Variants in AP3B1 observed in about 807,000 individuals in gnomAD.
AP3B1 encodes adaptor related protein complex 3 subunit beta 1.
A neutral mutation model predicts 132.5 loss-of-function variants in AP3B1; 61 were observed. The observed-to-expected ratio is 0.46, with a 90% CI of 0.37 to 0.57. The LOEUF (loss-of-function observed/expected upper bound fraction) is 0.57. Among genes scored for constraint, AP3B1 ranks in the 20% least tolerant of loss-of-function variants. AP3B1 has a pLI of 0.00. For synonymous variants in AP3B1, 388 were observed against 438.3 expected, an observed-to-expected ratio of 0.89 and a Z score of 1.43; for missense variants, 1,120 against 1,289.4, an observed-to-expected ratio of 0.87 and a Z score of 2.01.
intron 22 of AP3B1, among the ~76,000 whole-genome samples, chr5:78,076,556 T>C (rs1436607305): frequency 6.6e-6 from 1 of 152,180 alleles, no homozygotes; most frequent in Non-Finnish European, 1.5e-5. Context: ...AGATAGCTTA[T>C]GCTAAGGAGA....
At chr5:78,210,052 C>T (rs12519505) in intron 7 of AP3B1, among the ~76,000 whole-genome samples, 27,789 of 152,012 alleles carry the variant, frequency 0.18, 2,791 homozygotes, top group Admixed American at 0.27. Flanking sequence ...ATATGTTGAA[C>T]CCTTTGTCAA....
At chr5:78,020,928 A>C (rs1234799467) in intron 24 of AP3B1, 139 bp from the exon 25 acceptor site, 1 of 663,178 alleles carries the variant, frequency 1.5e-6, no homozygotes, top group African/African-American at 1.8e-5. Flanking sequence ...ACAGCTAAAA[A>C]GGTTTAAACA....
intron 22 of AP3B1, among the ~76,000 whole-genome samples, chr5:78,047,917 A>T (rs1198902492): frequency 6.6e-6 from 1 of 152,074 alleles, no homozygotes; most frequent in Non-Finnish European, 1.5e-5. Flanking sequence ...TGCTTGATTT[A>T]AAAAAAATAA....
chr5:78,159,528 T>A (rs1743299708), intron 13 of AP3B1, among the ~76,000 whole-genome samples: 1 of 152,144 alleles, frequency 6.6e-6, no homozygotes, highest in Admixed American at 6.5e-5. Context: ...CCCACATTCC[T>A]TGGTTCAAAG....
chr5:78,145,178 T>G (rs1753335327), intron 14 of AP3B1, among the ~76,000 whole-genome samples: 1 of 152,242 alleles, frequency 6.6e-6, no homozygotes, highest in African/African-American at 2.4e-5. Flanking sequence ...TTTTTATATT[T>G]TCAATTATTA....
At chr5:78,249,959 C>T (rs1182894852) in intron 2 of AP3B1, among the ~76,000 whole-genome samples, 1 of 152,124 alleles carries the variant, frequency 6.6e-6, no homozygotes, top group Non-Finnish European at 1.5e-5. Flanking sequence ...TTGCATCAAT[C>T]CAGGATATTT....
chr5:78,097,832 A>G (rs1369080900), intron 21 of AP3B1, among the ~76,000 whole-genome samples: 2 of 152,254 alleles, frequency 1.3e-5, no homozygotes, highest in African/African-American at 2.4e-5. Context: ...TTTGTGGAAT[A>G]GAAAGCGGGG....
In AP3B1 at chr5:78,021,001, TA is replaced by T. The variant is rs541478386; in HGVS notation, c.2895-213del. Among the ~76,000 whole-genome samples, 301 of 152,130 alleles carry T rather than the reference TA, an allele frequency of 2.0e-3. 1 individual carries two copies. Among genetic ancestry groups the T allele is most frequent in the Non-Finnish European group, 2.6e-3 (179 of 67,924 alleles). On this transcript the variant is annotated intron_variant, in intron 24 of 26. Coordinates refer to ENST00000255194, the MANE Select transcript of AP3B1 (RefSeq NM_003664.5). ...ATCTGTTATCTCAATCAAGATTTTT[TA>T]AAAAACAAAACTACACAGGTATAGT...
intron 23 of AP3B1, 141 bp from the exon 24 acceptor site, chr5:78,034,586 T>C (rs1747721883): frequency 1.4e-6 from 1 of 690,310 alleles, no homozygotes; most frequent in South Asian, 1.7e-5. Context: ...AAACTAAGAA[T>C]ATTAAAGCAA....
chr5:78,070,999 G>A (rs1019901693), intron 22 of AP3B1, among the ~76,000 whole-genome samples: 9 of 152,186 alleles, frequency 5.9e-5, no homozygotes, highest in Admixed American at 1.3e-4. Flanking sequence ...AGACAATGAG[G>A]TTATTCCTCA....
At chr5:78,028,507 C>T (rs997800063) in intron 24 of AP3B1, among the ~76,000 whole-genome samples, 2 of 151,856 alleles carry the variant, frequency 1.3e-5, no homozygotes, top group Admixed American at 6.6e-5. Flanking sequence ...CTGCAAATGG[C>T]GTTTACTTGC....
At chr5:78,189,182 C>G (rs1744724261) in intron 7 of AP3B1, among the ~76,000 whole-genome samples, 1 of 152,024 alleles carries the variant, frequency 6.6e-6, no homozygotes, top group South Asian at 2.1e-4. Context: ...ACACGTTTAC[C>G]TATGTAACAA....
intron 24 of AP3B1, among the ~76,000 whole-genome samples, chr5:78,021,481 G>T (rs1277614600): frequency 6.6e-6 from 1 of 152,072 alleles, no homozygotes; most frequent in East Asian, 1.9e-4. Flanking sequence ...ATGATATTAT[G>T]ATCAATAAAA....
chr5:78,203,060 T>C (rs1745361761), intron 7 of AP3B1, among the ~76,000 whole-genome samples: 2 of 152,204 alleles, frequency 1.3e-5, no homozygotes, highest in South Asian at 4.1e-4. Context: ...TTCAACTACC[T>C]TCTGGCCCCA....
chr5:78,167,338 AAT>A (rs751066223), intron 11 of AP3B1, among the ~76,000 whole-genome samples: 3 of 152,174 alleles, frequency 2.0e-5, no homozygotes, highest in Non-Finnish European at 4.4e-5. Flanking sequence ...ATCAAAAAAT[AAT>A]AGATGTTAGC....
chr5:78,034,300 T>C, intron 24 of AP3B1, 61 bp downstream of exon 24: 1 of 1,280,760 alleles, frequency 7.8e-7, no homozygotes, highest in African/African-American at 1.5e-5. Flanking sequence ...GTTGAAAGCT[T>C]AGTTTTTGAT....
chr5:78,174,099 G>T (rs2112397631), intron 11 of AP3B1, among the ~76,000 whole-genome samples: 1 of 152,084 alleles, frequency 6.6e-6, no homozygotes, highest in Non-Finnish European at 1.5e-5. Context: ...TTTTTTCAAG[G>T]TTTTTACCTT....
chr5:78,155,827 A>G (rs1561444720), intron 14 of AP3B1, among the ~76,000 whole-genome samples: 1 of 152,248 alleles, frequency 6.6e-6, no homozygotes, highest in African/African-American at 2.4e-5. Flanking sequence ...CCAATGATAC[A>G]CTTCAAAAGA....
chr5:78,177,936 G>A (rs186025475), intron 8 of AP3B1, among the ~76,000 whole-genome samples: 4 of 152,232 alleles, frequency 2.6e-5, no homozygotes, highest in Non-Finnish European at 5.9e-5. Context: ...AAATGTGACA[G>A]AATAAATTTC....
Sources: gnomAD v4.1 joint callset for allele counts (sites outside exome capture counted in the v4.1 genomes callset) on GRCh38, gnomAD v4.1.1 for gene constraint, MANE v1.5 for transcripts, NCBI Gene and HGNC (gene_info 2026-07-23, HGNC 2026-07-21) for gene names.